Variants in CSMD1 observed in about 807,000 individuals in gnomAD.
CSMD1 encodes the protein CUB and sushi domain-containing protein 1.
In CSMD1, 213 loss-of-function variants were observed where a neutral mutation model predicts 417.5. The ratio of observed to expected loss-of-function variants is 0.51; its 90% confidence interval spans 0.46 to 0.57. CSMD1 has a LOEUF of 0.57. Ranked by LOEUF, CSMD1 falls within the 20% of genes least tolerant of loss-of-function variation. CSMD1 has a pLI of 0.00. For missense variants in CSMD1, 6,923 were observed against 4,529.7 expected (o/e 1.53, Z -15.17); for synonymous variants, 2,862 against 1,736.8 (o/e 1.65, Z -16.11).
intron 3 of CSMD1, among the ~76,000 whole-genome samples, chr8:4,158,278 A>C (rs969509896): frequency 6.6e-6 from 1 of 152,080 alleles, no homozygotes; most frequent in Non-Finnish European, 1.5e-5. Context: ...CGGGAAGACT[A>C]AACAACAGAA....
intron 5 of CSMD1, among the ~76,000 whole-genome samples, chr8:3,988,134 C>T (rs1814476038): frequency 6.6e-6 from 1 of 152,230 alleles, no homozygotes; most frequent in African/African-American, 2.4e-5. Flanking sequence ...TATTCATAGT[C>T]ATCTGCTGGG....
At chr8:3,339,306 C>T (rs914004015) in intron 23 of CSMD1, among the ~76,000 whole-genome samples, 1 of 151,530 alleles carries the variant, frequency 6.6e-6, no homozygotes, top group African/African-American at 2.4e-5. Flanking sequence ...TCACTTCAAG[C>T]CTCTGTTTGC....
chr8:4,690,935 G>T (rs907085230), intron 1 of CSMD1, among the ~76,000 whole-genome samples: 1 of 152,012 alleles, frequency 6.6e-6, no homozygotes, highest in Non-Finnish European at 1.5e-5. Context: ...CACCATGTTG[G>T]CCAGGCTGGT....
At chr8:3,754,743 C>T (rs1031760266) in intron 5 of CSMD1, among the ~76,000 whole-genome samples, 9 of 152,238 alleles carry the variant, frequency 5.9e-5, no homozygotes, top group South Asian at 2.1e-4. Flanking sequence ...GCGTGAGCCA[C>T]GGCGCCCGGC....
intron 5 of CSMD1, among the ~76,000 whole-genome samples, chr8:3,930,283 T>C (rs546448271): frequency 6.6e-6 from 1 of 150,510 alleles, no homozygotes. Flanking sequence ...TAGTAACTTC[T>C]CTTAGAAGCA....
At position 4,280,995 on chromosome 8, in the gene CSMD1, T is replaced by C. The variant is rs148271905; in HGVS notation, c.415+138958A>G. 8.4e-3 allele frequency among the ~76,000 whole-genome samples: 1,284 copies of C among 152,292 alleles called. 13 individuals are homozygous for C. Among genetic ancestry groups the C allele is most frequent in the Non-Finnish European group, 0.01 (706 of 68,024 alleles). On this transcript the variant is annotated intron_variant, in intron 3 of 69. Transcript: ENST00000635120. Reference sequence around the variant, plus strand: ...CAGTAATAGAATAAAGTAGTGGTTTTTAAATGTATTAAAATTAAGTGAGTT... The same window carrying C: ...CAGTAATAGAATAAAGTAGTGGTTTCTAAATGTATTAAAATTAAGTGAGTT...
intron 2 of CSMD1, among the ~76,000 whole-genome samples, chr8:4,493,784 A>G (rs1801842644): frequency 1.3e-5 from 2 of 152,204 alleles, no homozygotes; most frequent in African/African-American, 4.8e-5. Context: ...CCCTAAGAAT[A>G]GTATTTACTA....
At chr8:4,526,691 G>A (rs56270114) in intron 2 of CSMD1, among the ~76,000 whole-genome samples, 4 of 152,224 alleles carry the variant, frequency 2.6e-5, no homozygotes, top group African/African-American at 7.2e-5. Flanking sequence ...AACCAGAAAC[G>A]TAGGGTTATT....
chr8:4,349,957 T>C (rs982433010), intron 3 of CSMD1, among the ~76,000 whole-genome samples: 1 of 152,088 alleles, frequency 6.6e-6, no homozygotes, highest in Admixed American at 6.6e-5. Context: ...AAAACAAATG[T>C]ATGCTGTAGA....
intron 1 of CSMD1, among the ~76,000 whole-genome samples, chr8:4,738,364 G>A (rs572287464): frequency 3.8e-4 from 58 of 152,216 alleles, no homozygotes; most frequent in African/African-American, 1.2e-3. Context: ...ACTTTCAATC[G>A]TAGCAAAAGG....
chr8:4,201,079 T>A (rs1011288505), intron 3 of CSMD1, among the ~76,000 whole-genome samples: 3 of 152,178 alleles, frequency 2.0e-5, no homozygotes, highest in African/African-American at 7.2e-5. Flanking sequence ...CTAGATAACC[T>A]TGGGCCAATG....
At chr8:3,963,402 T>C (rs1433830071) in intron 5 of CSMD1, among the ~76,000 whole-genome samples, 2 of 152,192 alleles carry the variant, frequency 1.3e-5, no homozygotes, top group Admixed American at 6.6e-5. Context: ...CTATACTCCA[T>C]GGTTCCTAAG....
intron 20 of CSMD1, among the ~76,000 whole-genome samples, chr8:3,361,511 G>C (rs1298410675): frequency 6.6e-6 from 1 of 151,492 alleles, no homozygotes; most frequent in East Asian, 1.9e-4. Flanking sequence ...AATTAGCTGG[G>C]CATGGTGGTG....
In CSMD1 at chr8:3,742,563, G is replaced by T. The variant is rs570025033; in HGVS notation, c.931+11367C>A. ...CCTGCCTGTGGACATGGTGAAGAAA[G>T]TGACGCATTGCCTCTGCCCCGGGCC... On this transcript the variant is annotated intron_variant, in intron 6 of 69. Coordinates refer to ENST00000635120, the MANE Select transcript of CSMD1 (RefSeq NM_033225.6). Among the ~76,000 whole-genome samples the T allele has an allele frequency of 6.6e-5, 10 of 152,274 alleles. No homozygotes were observed. In the East Asian group the frequency reaches 1.5e-3, roughly 24 times the overall value.
At chr8:3,000,164 GTGTC>G in intron 52 of CSMD1, 33 bp from the exon 53 acceptor site, 1 of 1,477,830 alleles carries the variant, frequency 6.8e-7, no homozygotes, top group South Asian at 1.4e-5. Context: ...AAAATTTAGA[GTGTC>G]TGTCATTTAT....
rs187981341 is a variant in CSMD1 at position 4,917,450 on chromosome 8, C to T, written c.85+76882G>A. Among the ~76,000 whole-genome samples, 12 of 152,120 alleles carry T rather than the reference C, an allele frequency of 7.9e-5. No homozygotes were observed. The South Asian group carries it at 1.5e-3, about 18-fold the overall frequency. On this transcript the variant is annotated intron_variant, in intron 1 of 69. Coordinates refer to ENST00000635120, the MANE Select transcript of CSMD1 (RefSeq NM_033225.6). The stretch of plus-strand genomic sequence containing the variant: ...GAGATCGAGACCACCCTGGCTAACA[C>T]GGTGAAACTCCATCTCTACTAAAAA...
intron 7 of CSMD1, among the ~76,000 whole-genome samples, chr8:3,653,306 G>A (rs1372958679): frequency 6.6e-6 from 1 of 151,996 alleles, no homozygotes; most frequent in African/African-American, 2.4e-5. Context: ...AAGTTATGGG[G>A]GTTCTTTTGT....
intron 1 of CSMD1, among the ~76,000 whole-genome samples, chr8:4,858,428 G>A (rs1232937508): frequency 1.3e-5 from 2 of 149,476 alleles, no homozygotes; most frequent in Non-Finnish European, 3.0e-5. Flanking sequence ...AATTAGGCAG[G>A]AAAAGGAAAT....
chr8:4,220,668 A>G (rs948427294), intron 3 of CSMD1, among the ~76,000 whole-genome samples: 2 of 152,200 alleles, frequency 1.3e-5, no homozygotes, highest in Middle Eastern at 3.2e-3. Flanking sequence ...ATGGCTTAGC[A>G]AAAGAAGGAA....
Sources: gnomAD v4.1 joint callset for allele counts (sites outside exome capture counted in the v4.1 genomes callset) on GRCh38, gnomAD v4.1.1 for gene constraint, MANE v1.5 for transcripts, NCBI Gene and HGNC (gene_info 2026-07-23, HGNC 2026-07-21) for gene names.